The following SMYD3 variants were observed in gnomAD, a reference collection of about 807,000 sequenced individuals.
SMYD3 encodes the protein SET and MYND domain containing 3.
SMYD3 carries 36 observed loss-of-function variants against 57.7 expected under a neutral mutation model. That is an observed-to-expected ratio of 0.62 (90% CI 0.48 to 0.82). The LOEUF (loss-of-function observed/expected upper bound fraction) is 0.82, where lower values mean the gene tolerates loss of function less well. Among genes scored for constraint, SMYD3 ranks in the 40% least tolerant of loss-of-function variants. The probability of loss-of-function intolerance (pLI) is 0.00; values close to 1 mark genes in which losing one functional copy is unlikely to be tolerated. For missense variants in SMYD3, 515 were observed against 538.8 expected (o/e 0.96, Z 0.44); for synonymous variants, 211 against 195.0 (o/e 1.08, Z -0.68).
intron 5 of SMYD3, among the ~76,000 whole-genome samples, chr1:246,282,157 A>G (rs1317398780): frequency 6.6e-6 from 1 of 152,002 alleles, no homozygotes; most frequent in Admixed American, 6.6e-5. Context: ...AAAAACAAAT[A>G]TAATGTAGAG....
intron 5 of SMYD3, among the ~76,000 whole-genome samples, chr1:246,077,855 T>A (rs180829509): frequency 3.3e-5 from 5 of 152,148 alleles, no homozygotes. Flanking sequence ...AGGGAAGGAA[T>A]TGTGTTTTAT....
chr1:246,036,355 G>A (rs1383211878), intron 5 of SMYD3, among the ~76,000 whole-genome samples: 2 of 152,068 alleles, frequency 1.3e-5, no homozygotes. Flanking sequence ...GACACAACAG[G>A]ATGACCATCC....
rs113205001 is a variant in SMYD3, at chr1:245,872,488, CT to C, written c.814-8603del. Among the ~76,000 whole-genome samples the C allele has an allele frequency of 8.3e-3, 858 of 103,466 alleles. 11 individuals carry two copies. The East Asian group carries it at 0.23, about 27-fold the overall frequency. The allele number at this position is 103,466 out of a possible 152,430, so 67.9% of individuals were successfully genotyped here. A position where few individuals can be genotyped will look rare whatever the true frequency, so the allele number is the denominator to read the frequency against. ...TGGCCGACCCCAGGATGGATGTCCT[CT>C]TCTCAGATGAGAGAGCCTTCTCCCG... is the stretch of plus-strand genomic sequence containing the variant. On this transcript the variant is annotated intron_variant, in intron 8 of 11. Transcript: ENST00000490107.
At chr1:245,974,002 T>C (rs1278460863) in intron 5 of SMYD3, among the ~76,000 whole-genome samples, 1 of 152,192 alleles carries the variant, frequency 6.6e-6, no homozygotes, top group Non-Finnish European at 1.5e-5. Flanking sequence ...TTAATACCTA[T>C]GCTTATAGGT....
intron 1 of SMYD3, among the ~76,000 whole-genome samples, chr1:246,442,327 C>T (rs1016060400): frequency 2.6e-5 from 4 of 152,006 alleles, no homozygotes; most frequent in African/African-American, 9.7e-5. Context: ...GAGGCCGAGG[C>T]AGGCTGAGGT....
At position 245,816,954 on chromosome 1, in the gene SMYD3, G is replaced by T. The variant is rs1324091499; in HGVS notation, c.1076+41542C>A. ...CAGTCTGAGATCAAACTGCAAGGCG[G>T]CAGCGAGGCTGGGGGAGGGGCGCCC... On this transcript the variant is annotated intron_variant, in intron 10 of 11. Transcript: ENST00000490107. 5.3e-5 allele frequency among the ~76,000 whole-genome samples: 8 copies of T among 151,450 alleles called. No homozygotes were observed. The East Asian group carries it at 1.4e-3, about 26-fold the overall frequency.
intron 5 of SMYD3, among the ~76,000 whole-genome samples, chr1:246,011,942 T>C (rs561376485): frequency 6.6e-6 from 1 of 152,304 alleles, no homozygotes; most frequent in African/African-American, 2.4e-5. Flanking sequence ...CATTATCCAC[T>C]GATACCAGCT....
chr1:246,358,060 C>T (rs1388404568), intron 1 of SMYD3, among the ~76,000 whole-genome samples: 1 of 152,152 alleles, frequency 6.6e-6, no homozygotes, highest in Admixed American at 6.5e-5. Flanking sequence ...TTTCTGCTGT[C>T]TTCAGGAGAC....
At chr1:246,295,054 A>G (rs527295832) in intron 5 of SMYD3, among the ~76,000 whole-genome samples, 1 of 152,302 alleles carries the variant, frequency 6.6e-6, no homozygotes, top group South Asian at 2.1e-4. Flanking sequence ...ATATGTAATA[A>G]TAAATATTTT....
intron 5 of SMYD3, among the ~76,000 whole-genome samples, chr1:246,309,419 A>G (rs1210216235): frequency 6.6e-6 from 1 of 152,180 alleles, no homozygotes; most frequent in Non-Finnish European, 1.5e-5. Flanking sequence ...AATAACCAAA[A>G]ACTCCAATAC....
rs983578595 is a variant in SMYD3 at position 245,891,612 on chromosome 1, G to C, written c.813+23918C>G. The stretch of plus-strand genomic sequence containing the variant: ...AGTGACAGCAATGTCGGGAACTGTA[G>C]GGGTGAAGAGGACAGCACGAGTAGT... On this transcript the variant is annotated intron_variant, in intron 8 of 11. Coordinates refer to ENST00000490107, the MANE Select transcript of SMYD3 (RefSeq NM_001167740.2). 4.6e-4 allele frequency among the ~76,000 whole-genome samples: 70 copies of C among 152,210 alleles called. 4 individuals carry two copies.
At chr1:246,144,554 T>C (rs1423647556) in intron 5 of SMYD3, among the ~76,000 whole-genome samples, 1 of 152,202 alleles carries the variant, frequency 6.6e-6, no homozygotes. Flanking sequence ...CAAAGTAATA[T>C]ACCCTCCCTG....
chr1:246,068,434 C>A (rs548761594), intron 5 of SMYD3, among the ~76,000 whole-genome samples: 1 of 152,284 alleles, frequency 6.6e-6, no homozygotes, highest in South Asian at 2.1e-4. Flanking sequence ...ACAACACAAT[C>A]AAAAACGAAT....
At chr1:246,359,624 C>T (rs909593153) in intron 1 of SMYD3, among the ~76,000 whole-genome samples, 6 of 152,048 alleles carry the variant, frequency 3.9e-5, no homozygotes, top group East Asian at 3.8e-4. Context: ...CATGATCAAG[C>T]GGGTTTCATA....
At chr1:245,987,930 G>A (rs1276901149) in intron 5 of SMYD3, among the ~76,000 whole-genome samples, 1 of 152,154 alleles carries the variant, frequency 6.6e-6, no homozygotes, top group Non-Finnish European at 1.5e-5. Context: ...CAGTTTCTAC[G>A]GTCCCACTCA....
intron 5 of SMYD3, among the ~76,000 whole-genome samples, chr1:246,149,627 A>G (rs879424739): frequency 1.3e-4 from 20 of 152,244 alleles, no homozygotes; most frequent in Admixed American, 5.2e-4. Context: ...CAAAAGCCGG[A>G]AGCATTATTG....
chr1:246,299,090 T>C (rs1319409718), intron 5 of SMYD3, among the ~76,000 whole-genome samples: 1 of 152,138 alleles, frequency 6.6e-6, no homozygotes, highest in African/African-American at 2.4e-5. Flanking sequence ...TGCAACTTCA[T>C]TTCTACTAAT....
At chr1:246,074,105 G>A (rs2060504028) in intron 5 of SMYD3, among the ~76,000 whole-genome samples, 1 of 152,104 alleles carries the variant, frequency 6.6e-6, no homozygotes, top group African/African-American at 2.4e-5. Context: ...TCATGTTAGT[G>A]TATTTTATGT....
intron 5 of SMYD3, among the ~76,000 whole-genome samples, chr1:246,273,067 C>T (rs1558367316): frequency 7.0e-6 from 1 of 143,110 alleles, no homozygotes; most frequent in African/African-American, 2.9e-5. Context: ...TGTTGTCATA[C>T]AACTCTTCCT....
Sources: gnomAD v4.1 joint callset for allele counts (sites outside exome capture counted in the v4.1 genomes callset) on GRCh38, gnomAD v4.1.1 for gene constraint, MANE v1.5 for transcripts, NCBI Gene and HGNC (gene_info 2026-07-23, HGNC 2026-07-21) for gene names.